NBEA: variants seen among roughly 807,000 people sequenced by gnomAD.
NBEA encodes the protein lysosomal-trafficking regulator 2.
In NBEA, 44 loss-of-function variants were observed where a neutral mutation model predicts 343.4. That is an observed-to-expected ratio of 0.13 (90% CI 0.10 to 0.16). The LOEUF (loss-of-function observed/expected upper bound fraction) is 0.16. NBEA is among the 10% of genes least tolerant of loss of function. NBEA has a pLI of 1.00. For missense variants in NBEA, 2,555 were observed against 3,631.3 expected, an observed-to-expected ratio of 0.70 and a Z score of 7.62; for synonymous variants, 1,175 against 1,238.7, an observed-to-expected ratio of 0.95 and a Z score of 1.08.
chr13:35,007,224 A>G (rs949780091), intron 1 of NBEA, among the ~76,000 whole-genome samples: 1 of 152,044 alleles, frequency 6.6e-6, no homozygotes, highest in African/African-American at 2.4e-5. Context: ...CCTATCCTTC[A>G]TGAAGTGTAA....
intron 36 of NBEA, among the ~76,000 whole-genome samples, chr13:35,328,932 A>C (rs1429917538): frequency 1.3e-5 from 2 of 151,972 alleles, no homozygotes; most frequent in Non-Finnish European, 2.9e-5. Flanking sequence ...TAATCAAGAC[A>C]GGATAGCACT....
chr13:35,253,977 CA>C lies in NBEA; in HGVS notation c.5776+21359del, dbSNP rs377482368. Among the ~76,000 whole-genome samples the C allele has an allele frequency of 1.5e-3, 229 of 152,256 alleles. 1 individual carries two copies. Among genetic ancestry groups the C allele is most frequent in the African/African-American group, 5.4e-3 (223 of 41,552 alleles). ...AGTTGATGATTGCTGGGTATTTAGT[CA>C]GGGACATTTTGTTGGAAATTAGTCA... On this transcript the variant is annotated intron_variant, in intron 34 of 58. Transcript: ENST00000379939.
In NBEA at chr13:34,942,744, GC is replaced by G; in HGVS notation, c.-76del. Reference sequence around the variant, plus strand: ...GGGGCTCCGAGGCGACGGCCGGGGGGCGGGGGCCGAGGCAGGTATAACGGTA... The same window carrying G: ...GGGGCTCCGAGGCGACGGCCGGGGGGGGGGGCCGAGGCAGGTATAACGGTA... On this transcript the variant is annotated 5_prime_UTR_variant, in exon 1 of 59. An upstream open reading frame in the 5' UTR gains an earlier in-frame stop. Transcript: ENST00000379939. 2.5e-6 allele frequency: 3 copies of G among 1,189,460 alleles called. No individual in the cohort carries two copies. Among genetic ancestry groups the G allele is most frequent in the Non-Finnish European group, 3.2e-6 (3 of 943,874 alleles). 73.7% of individuals were successfully genotyped at this position (1,189,460 alleles called of 1,614,324 possible). A position where few individuals can be genotyped will look rare whatever the true frequency, so the allele number is the denominator to read the frequency against.
intron 30 of NBEA, chr13:35,185,414 T>C (rs1037754073): frequency 7.2e-5 from 11 of 152,294 alleles, no homozygotes; most frequent in African/African-American, 2.6e-4. Context: ...TGTACAAATA[T>C]TATTTTTTAT....
chr13:35,098,535 A>T, intron 11 of NBEA, 130 bp downstream of exon 11: 1 of 569,912 alleles, frequency 1.8e-6, no homozygotes, highest in Non-Finnish European at 3.0e-6. Context: ...TAATTCACAA[A>T]CGTCTTAGAT....
At chr13:35,402,489 G>T (rs1025019780) in intron 38 of NBEA, among the ~76,000 whole-genome samples, 3 of 151,958 alleles carry the variant, frequency 2.0e-5, no homozygotes, top group Non-Finnish European at 4.4e-5. Context: ...ATATAAGTCA[G>T]GGAGAGAAAA....
At chr13:35,023,668 G>A (rs2061922710) in intron 1 of NBEA, among the ~76,000 whole-genome samples, 1 of 152,138 alleles carries the variant, frequency 6.6e-6, no homozygotes, top group Admixed American at 6.5e-5. Flanking sequence ...AAAAGAAAAA[G>A]TGTGAGTAAA....
chr13:35,647,933 C>T (rs372064615), intron 51 of NBEA, among the ~76,000 whole-genome samples: 3 of 152,054 alleles, frequency 2.0e-5, no homozygotes, highest in African/African-American at 2.4e-5. Context: ...TAGAATATAG[C>T]GCCATGATCA....
At chr13:35,315,826 A>G (rs1412200150) in intron 36 of NBEA, among the ~76,000 whole-genome samples, 2 of 152,102 alleles carry the variant, frequency 1.3e-5, no homozygotes, top group African/African-American at 2.4e-5. Flanking sequence ...GTATTCTTTA[A>G]TTTAACAAAT....
At chr13:35,155,923 CT>C in intron 19 of NBEA, 68 bp downstream of exon 19, 1 of 1,521,360 alleles carries the variant, frequency 6.6e-7, no homozygotes, top group Non-Finnish European at 9.1e-7. Flanking sequence ...TAAATCAAAA[CT>C]TTTCCTAACC....
At chr13:35,383,242 T>C (rs999973024) in intron 38 of NBEA, among the ~76,000 whole-genome samples, 2 of 152,262 alleles carry the variant, frequency 1.3e-5, no homozygotes, top group East Asian at 1.9e-4. Context: ...GTTAGATGAC[T>C]TGGTAGAATT....
chr13:35,423,403 G>A (rs1466661290), intron 38 of NBEA, among the ~76,000 whole-genome samples: 2 of 152,132 alleles, frequency 1.3e-5, no homozygotes, highest in South Asian at 2.1e-4. Context: ...TTATTAAATA[G>A]GGAATCCTTT....
At chr13:35,603,555 G>A (rs967686494) in intron 47 of NBEA, among the ~76,000 whole-genome samples, 3 of 152,116 alleles carry the variant, frequency 2.0e-5, no homozygotes, top group African/African-American at 4.8e-5. Context: ...ACATTATAGA[G>A]TGCCAAGATG....
At chr13:35,111,917 T>TC (rs1349194478) in intron 13 of NBEA, among the ~76,000 whole-genome samples, 1 of 143,488 alleles carries the variant, frequency 7.0e-6, no homozygotes, top group Non-Finnish European at 1.5e-5. Flanking sequence ...ACTTTCCTTT[T>TC]TTTTTTTTTT....
rs1302461035 is a variant in NBEA, at chr13:35,352,236, G to A, written c.6092G>A (p.Arg2031Gln). The A allele has an allele frequency of 3.2e-6, 5 of 1,570,516 alleles. No individual in the cohort carries two copies. The highest frequency in any genetic ancestry group is 2.7e-5 in the African/African-American group (2 of 73,464). The change falls in exon 38 of 59, where the codon CGA (arginine) becomes CAA (glutamine). Residue 2031 changes from arginine (R) to glutamine (Q), a missense_variant. By Grantham distance (43) the Arg-to-Gln change is conservative. Around this residue, in one of 21 missense-constraint regions of NBEA, gnomAD observed 246 missense variants for 313.7 expected, o/e 0.78. Coordinates refer to ENST00000379939, the MANE Select transcript of NBEA (RefSeq NM_001385012.1). ...CATCTTATCAGTGCTGCTAAACATC[G>A]AGATCATGTAACAGCAAATCAGCTG... is the stretch of plus-strand genomic sequence containing the variant. ...CDHLISAAKH[R>Q]DHVTANQLKQ...
At position 35,476,296 on chromosome 13, in the gene NBEA, CCTGCTGCTGCTGCTGCTGCTGCTGCTG is replaced by C. The variant is rs56240021; in HGVS notation, c.6585+3793_6585+3819del. 5,381 of 960,794 alleles carry C rather than the reference CCTGCTGCTGCTGCTGCTGCTGCTGCTG, an allele frequency of 5.6e-3. 138 individuals are homozygous for C. Among genetic ancestry groups the C allele is most frequent in the South Asian group, 0.032 (2,294 of 71,962 alleles). The allele number at this position is 960,794 out of a possible 1,614,324, so 59.5% of individuals were successfully genotyped here. A position where few individuals can be genotyped will look rare whatever the true frequency, so the allele number is the denominator to read the frequency against. ...TCGGAAGTGCTGCAGCGTTGGTTTC[CCTGCTGCTGCTGCTGCTGCTGCTGCTG>C]CTGCTGCTGCTGCTGCTGCTGCTGC... On this transcript the variant is annotated intron_variant, in intron 41 of 58. Transcript: ENST00000379939.
At chr13:35,270,436 A>G (rs1056003882) in intron 34 of NBEA, among the ~76,000 whole-genome samples, 11 of 152,196 alleles carry the variant, frequency 7.2e-5, no homozygotes, top group Admixed American at 2.6e-4. Flanking sequence ...TGATTTCTGC[A>G]TTTCTAAGTG....
At chr13:35,472,091 G>T (rs560707152) in intron 40 of NBEA, among the ~76,000 whole-genome samples, 14 of 152,200 alleles carry the variant, frequency 9.2e-5, no homozygotes, top group Non-Finnish European at 1.6e-4. Context: ...GCATTTGTCC[G>T]TTCTGCACTT....
rs577357563 is a variant in NBEA, at chr13:35,250,494, C to A, written c.5776+17875C>A. On this transcript the variant is annotated intron_variant, in intron 34 of 58. Transcript: ENST00000379939. The stretch of plus-strand genomic sequence containing the variant: ...AAGCCAAAATGAAACAATTTCACTC[C>A]CATCCAATAAGTATAAAATTTATAC... Among the ~76,000 whole-genome samples the A allele has an allele frequency of 3.9e-5, 6 of 152,226 alleles. No homozygotes were observed. In the East Asian group the frequency reaches 1.2e-3, roughly 29 times the overall value.
Sources: gnomAD v4.1 joint callset for allele counts (sites outside exome capture counted in the v4.1 genomes callset) on GRCh38, gnomAD v4.1.1 for gene constraint, gnomAD v4.1.1 regional missense constraint, MANE v1.5 for transcripts, NCBI Gene and HGNC (gene_info 2026-07-23, HGNC 2026-07-21) for gene names.